The following ZNF385D variants were observed in gnomAD, a reference collection of about 807,000 sequenced individuals.
The protein encoded by ZNF385D is zinc finger protein 385D.
ZNF385D carries 15 observed loss-of-function variants against 35.8 expected under a neutral mutation model. That is an observed-to-expected ratio of 0.42 (90% CI 0.28 to 0.64). The LOEUF is 0.64. Ranked by LOEUF, ZNF385D falls within the 30% of genes least tolerant of loss-of-function variation. The pLI is 0.23. For missense variants in ZNF385D, 474 were observed against 494.6 expected (o/e 0.96, Z 0.39); for synonymous variants, 212 against 186.8 (o/e 1.13, Z -1.10).
chr3:21,724,266 G>C (rs1205450989), intron 1 of ZNF385D, among the ~76,000 whole-genome samples: 1 of 151,738 alleles, frequency 6.6e-6, no homozygotes, highest in Non-Finnish European at 1.5e-5. Flanking sequence ...TAACCAGCTA[G>C]CATCATAATG....
intron 2 of ZNF385D, among the ~76,000 whole-genome samples, chr3:21,606,663 C>G (rs2064493600): frequency 1.3e-5 from 2 of 152,176 alleles, no homozygotes; most frequent in Admixed American, 6.5e-5. Context: ...GGGACCTGAA[C>G]TGAAAAACAA....
intron 3 of ZNF385D, among the ~76,000 whole-genome samples, chr3:22,031,786 G>A (rs764604564): frequency 3.3e-5 from 5 of 152,102 alleles, no homozygotes; most frequent in South Asian, 2.1e-4. Flanking sequence ...CTTTTCTACC[G>A]CATGGTCACG....
chr3:22,005,237 G>T (rs1319327227), intron 3 of ZNF385D, among the ~76,000 whole-genome samples: 1 of 151,600 alleles, frequency 6.6e-6, no homozygotes, highest in African/African-American at 2.4e-5. Context: ...CAATGAGATA[G>T]CATCTTATCC....
intron 3 of ZNF385D, among the ~76,000 whole-genome samples, chr3:21,872,896 A>G (rs1697766313): frequency 6.6e-6 from 1 of 152,136 alleles, no homozygotes; most frequent in African/African-American, 2.4e-5. Context: ...AGGTGCCACA[A>G]AAACAGTTTT....
At chr3:21,474,908 G>T (rs1250772606) in intron 4 of ZNF385D, among the ~76,000 whole-genome samples, 1 of 151,774 alleles carries the variant, frequency 6.6e-6, no homozygotes. Flanking sequence ...AGACATATCT[G>T]GTGTAATTGA....
chr3:22,092,168 C>G (rs1443340428), intron 3 of ZNF385D, among the ~76,000 whole-genome samples: 1 of 152,148 alleles, frequency 6.6e-6, no homozygotes, highest in Non-Finnish European at 1.5e-5. Context: ...TGAAAGTTCA[C>G]AATTTACTGC....
chr3:21,624,911 G>T (rs1006270212), intron 2 of ZNF385D, among the ~76,000 whole-genome samples: 2 of 151,976 alleles, frequency 1.3e-5, no homozygotes, highest in African/African-American at 2.4e-5. Flanking sequence ...TGCCAAACCC[G>T]CCTTACCTTC....
chr3:21,904,965 G>T (rs1485319959), intron 3 of ZNF385D, among the ~76,000 whole-genome samples: 1 of 151,816 alleles, frequency 6.6e-6, no homozygotes, highest in South Asian at 2.1e-4. Context: ...AAAGAAAAAA[G>T]AATATTTTTG....
intron 7 of ZNF385D, 42 bp from the exon 8 acceptor site, chr3:21,421,489 G>A (rs1487937152): frequency 1.4e-5 from 21 of 1,517,060 alleles, no homozygotes; most frequent in Non-Finnish European, 1.7e-5. Flanking sequence ...CAACAGTTTT[G>A]GAATTTGTAC....
At chr3:22,175,371 T>C (rs1385170428) in intron 2 of ZNF385D, among the ~76,000 whole-genome samples, 1 of 151,980 alleles carries the variant, frequency 6.6e-6, no homozygotes, top group African/African-American at 2.4e-5. Context: ...TAGATACTGC[T>C]TACTTGGAAT....
intron 3 of ZNF385D, among the ~76,000 whole-genome samples, chr3:21,879,343 T>C (rs17009903): frequency 0.022 from 3,332 of 152,102 alleles, 121 homozygotes; most frequent in African/African-American, 0.075. Flanking sequence ...ATCCGTTTAT[T>C]GCCATCTCTG....
intron 3 of ZNF385D, among the ~76,000 whole-genome samples, chr3:22,135,903 T>A (rs966487401): frequency 6.6e-6 from 1 of 152,174 alleles, no homozygotes. Flanking sequence ...TAATAAATGA[T>A]ACTAAGACAA....
intron 3 of ZNF385D, among the ~76,000 whole-genome samples, chr3:21,970,906 C>A (rs889494587): frequency 6.6e-6 from 1 of 151,672 alleles, no homozygotes; most frequent in Non-Finnish European, 1.5e-5. Flanking sequence ...GAGAGAGTGG[C>A]AGGGCATATT....
In ZNF385D at chr3:21,784,833, A is replaced by T. The variant is rs994779980; in HGVS notation, c.326-119805T>A. ...GTCTCTCCCTGCCTTAGGCTCCAAC[A>T]TGGCTCCACATGGCACTGTTACTGA... On this transcript the variant is annotated intron_variant, in intron 3 of 5. Transcript: ENST00000494108. 2.0e-5 allele frequency among the ~76,000 whole-genome samples: 3 copies of T among 152,130 alleles called. No homozygotes were observed. In the South Asian group the frequency reaches 6.2e-4, roughly 32 times the overall value.
At chr3:21,743,492 G>A (rs992328118) in intron 1 of ZNF385D, among the ~76,000 whole-genome samples, 12 of 152,326 alleles carry the variant, frequency 7.9e-5, no homozygotes, top group East Asian at 1.9e-4. Context: ...TATTTCTCAC[G>A]GTTCTGGAGG....
At chr3:21,920,389 C>T (rs919883641) in intron 3 of ZNF385D, among the ~76,000 whole-genome samples, 3 of 152,140 alleles carry the variant, frequency 2.0e-5, no homozygotes, top group Non-Finnish European at 4.4e-5. Context: ...ATTGTTACAG[C>T]TGTGACATTT....
chr3:22,176,185 A>G (rs1417253168), intron 2 of ZNF385D, among the ~76,000 whole-genome samples: 1 of 151,802 alleles, frequency 6.6e-6, no homozygotes, highest in Non-Finnish European at 1.5e-5. Context: ...CTAACACAAC[A>G]TTCAGCTTCA....
chr3:21,751,436 G>A (rs890759049), upstream of ZNF385D: 9 of 991,676 alleles, frequency 9.1e-6, no homozygotes, highest in African/African-American at 1.4e-4. Flanking sequence ...TCACCACTGT[G>A]CAGGAGGGAC....
chr3:21,519,134 GA>G (rs895730141), intron 3 of ZNF385D, among the ~76,000 whole-genome samples: 72 of 152,122 alleles, frequency 4.7e-4, no homozygotes, highest in Middle Eastern at 3.4e-3. Context: ...AAAAGGGGGG[GA>G]AAGATAATAC....
Sources: gnomAD v4.1 joint callset for allele counts (sites outside exome capture counted in the v4.1 genomes callset) on GRCh38, gnomAD v4.1.1 for gene constraint, MANE v1.5 for transcripts, NCBI Gene and HGNC (gene_info 2026-07-23, HGNC 2026-07-21) for gene names.